The following RIMS2 variants were observed in gnomAD, a reference collection of about 807,000 sequenced individuals.
The protein encoded by RIMS2 is regulating synaptic membrane exocytosis protein 2.
RIMS2 carries 59 observed loss-of-function variants against 174.4 expected under a neutral mutation model. The observed-to-expected ratio is 0.34, with a 90% CI of 0.27 to 0.42. The LOEUF is 0.42. Among genes scored for constraint, RIMS2 ranks in the 10% least tolerant of loss-of-function variants. The probability of loss-of-function intolerance (pLI) is 1.00; values close to 1 mark genes in which losing one functional copy is unlikely to be tolerated. For missense variants in RIMS2, 1,620 were observed against 1,666.3 expected (o/e 0.97, Z 0.48); for synonymous variants, 606 against 572.5 (o/e 1.06, Z -0.84).
intron 3 of RIMS2, 90 bp from the exon 7 acceptor site, chr8:103,885,208 T>C: frequency 6.9e-7 from 1 of 1,445,024 alleles, no homozygotes; most frequent in Non-Finnish European, 9.1e-7. Flanking sequence ...AAGGACTACT[T>C]AGTTATCCAT....
intron 1 of RIMS2, among the ~76,000 whole-genome samples, chr8:103,508,162 C>T (rs35374727): frequency 0.12 from 17,625 of 151,970 alleles, 1,361 homozygotes; most frequent in Non-Finnish European, 0.17. Flanking sequence ...TAATGAAATA[C>T]AGATATCTCT....
At chr8:104,164,885 G>A (rs1448412555) in intron 19 of RIMS2, among the ~76,000 whole-genome samples, 1 of 151,942 alleles carries the variant, frequency 6.6e-6, no homozygotes, top group African/African-American at 2.4e-5. Context: ...GAAATAATCT[G>A]TACAACCAAC....
intron 19 of RIMS2, among the ~76,000 whole-genome samples, chr8:104,080,745 T>C (rs912088757): frequency 2.0e-5 from 3 of 152,082 alleles, no homozygotes; most frequent in African/African-American, 7.2e-5. Context: ...AATTCAGTTG[T>C]AATTTTTCTT....
chr8:103,582,063 G>C (rs1337813073), intron 1 of RIMS2, among the ~76,000 whole-genome samples: 1 of 152,158 alleles, frequency 6.6e-6, no homozygotes, highest in Non-Finnish European at 1.5e-5. Flanking sequence ...AGAGTGGGGA[G>C]GACTTTGTCT....
chr8:104,242,320 A>G lies in RIMS2; in HGVS notation c.3335-2596A>G, dbSNP rs542250415. Among the ~76,000 whole-genome samples, 117 of 152,284 alleles carry G rather than the reference A, an allele frequency of 7.7e-4. 2 individuals carry two copies. In the South Asian group the frequency reaches 0.023, roughly 31 times the overall value. Reference sequence around the variant, plus strand: ...AATACTTTAGCATGTATCTCCTAATAAGAAAATTCTTTATAATACGTGTCA... The same window carrying G: ...AATACTTTAGCATGTATCTCCTAATGAGAAAATTCTTTATAATACGTGTCA... On this transcript the variant is annotated intron_variant, in intron 19 of 23. Coordinates refer to ENST00000504942, the Ensembl canonical transcript of RIMS2.
At chr8:103,843,698 G>T (rs2098953269) in intron 3 of RIMS2, among the ~76,000 whole-genome samples, 1 of 152,116 alleles carries the variant, frequency 6.6e-6, no homozygotes, top group Non-Finnish European at 1.5e-5. Flanking sequence ...CATAACTATG[G>T]TGAAGACTAC....
chr8:104,147,521 T>C (rs1223433749), intron 19 of RIMS2, among the ~76,000 whole-genome samples: 1 of 152,190 alleles, frequency 6.6e-6, no homozygotes, highest in East Asian at 1.9e-4. Context: ...ACATAAGAGT[T>C]CACCTCAATA....
intron 19 of RIMS2, among the ~76,000 whole-genome samples, chr8:104,231,657 A>G (rs188807974): frequency 6.6e-6 from 1 of 152,270 alleles, no homozygotes; most frequent in East Asian, 1.9e-4. Flanking sequence ...TTTCAGCTTT[A>G]GTTTCCTCAT....
chr8:103,744,645 A>ACAGAGGT (rs1445505204), intron 2 of RIMS2, among the ~76,000 whole-genome samples: 1 of 152,204 alleles, frequency 6.6e-6, no homozygotes, highest in Non-Finnish European at 1.5e-5. Flanking sequence ...TAACAATTGC[A>ACAGAGGT]TCCTGTGCCT....
At chr8:103,818,126 G>A (rs2098729569) in intron 3 of RIMS2, among the ~76,000 whole-genome samples, 1 of 152,086 alleles carries the variant, frequency 6.6e-6, no homozygotes, top group Non-Finnish European at 1.5e-5. Flanking sequence ...TGTTTAATTT[G>A]TGTTGTTCTT....
intron 19 of RIMS2, among the ~76,000 whole-genome samples, chr8:104,044,907 T>A (rs945536850): frequency 6.6e-6 from 1 of 151,718 alleles, no homozygotes; most frequent in Non-Finnish European, 1.5e-5. Context: ...ATACAGACGA[T>A]AAGAAAACAT....
intron 1 of RIMS2, among the ~76,000 whole-genome samples, chr8:103,506,322 G>T (rs1823590075): frequency 6.6e-6 from 1 of 152,024 alleles, no homozygotes; most frequent in African/African-American, 2.4e-5. Context: ...TTTTGATAAA[G>T]AACTAATTAT....
chr8:103,820,134 A>T (rs1182972560), intron 3 of RIMS2, among the ~76,000 whole-genome samples: 1 of 152,098 alleles, frequency 6.6e-6, no homozygotes, highest in Non-Finnish European at 1.5e-5. Flanking sequence ...AATGCTTTGC[A>T]TTAGGTCAGC....
intron 19 of RIMS2, among the ~76,000 whole-genome samples, chr8:104,038,544 A>C (rs1375301485): frequency 6.6e-6 from 1 of 151,922 alleles, no homozygotes; most frequent in African/African-American, 2.4e-5. Context: ...CTGCACTAAA[A>C]AGTAGAATAT....
intron 1 of RIMS2, among the ~76,000 whole-genome samples, chr8:103,598,590 T>C (rs911921884): frequency 5.9e-5 from 9 of 152,146 alleles, no homozygotes; most frequent in Admixed American, 1.3e-4. Context: ...ACAAGTAGTG[T>C]TAGAAGCAAA....
chr8:103,749,482 T>C (rs138951037), intron 2 of RIMS2, among the ~76,000 whole-genome samples: 29 of 152,270 alleles, frequency 1.9e-4, no homozygotes, highest in African/African-American at 7.0e-4. Flanking sequence ...CTTTAATATT[T>C]TTAATTTTTT....
intron 2 of RIMS2, among the ~76,000 whole-genome samples, chr8:103,757,751 C>T (rs778805130): frequency 1.5e-4 from 23 of 152,084 alleles, no homozygotes; most frequent in Non-Finnish European, 2.9e-4. Context: ...ATCATCAGTG[C>T]ATATGTATCT....
chr8:104,032,593 TTAAC>T (rs992776544), intron 19 of RIMS2, among the ~76,000 whole-genome samples: 1 of 151,966 alleles, frequency 6.6e-6, no homozygotes, highest in Non-Finnish European at 1.5e-5. Flanking sequence ...AGATAATTGA[TTAAC>T]TAAAAAACCA....
intron 19 of RIMS2, among the ~76,000 whole-genome samples, chr8:104,244,422 A>G (rs2099319498): frequency 6.6e-6 from 1 of 152,178 alleles, no homozygotes; most frequent in Admixed American, 6.5e-5. Context: ...CTTTCCTATA[A>G]AAGTTAAGAC....
Sources: allele counts gnomAD v4.1 joint callset (sites outside exome capture counted in the v4.1 genomes callset), GRCh38; gene constraint gnomAD v4.1.1; transcripts MANE v1.5; gene names NCBI Gene and HGNC (gene_info 2026-07-23, HGNC 2026-07-21).